Variants in FSAF1 observed in about 807,000 individuals in gnomAD.
FSAF1 encodes the protein uncharacterized protein C1orf131.
At chr1:231,234,679 C>T in the FSAF1 span, among the ~76,000 whole-genome samples, 1 of 152,214 alleles carries the variant, frequency 6.6e-6, no homozygotes, top group Non-Finnish European at 1.5e-5. This position sits in a 1 kb window ranked among gnomAD's most constrained non-coding sequence, Gnocchi z 4.0. Context: ...TTCTCATGTA[C>T]TTAAGACTAA....
the FSAF1 span, among the ~76,000 whole-genome samples, chr1:231,233,406 CA>C: frequency 6.6e-6 from 1 of 152,172 alleles, no homozygotes; most frequent in Non-Finnish European, 1.5e-5. Flanking sequence ...CTTTAAAATT[CA>C]GAAGTCTTTA....
chr1:231,224,199 T>C, the FSAF1 span: 6 of 1,419,510 alleles, frequency 4.2e-6, no homozygotes, highest in East Asian at 9.6e-5. Context: ...TTAAGAACGA[T>C]CTATCTAGAG....
chr1:231,229,222 A>C, the FSAF1 span: 1 of 1,541,850 alleles, frequency 6.5e-7, no homozygotes, highest in Non-Finnish European at 8.9e-7. Context: ...GAGAGAAAAA[A>C]TTCTTATTTA....
the FSAF1 span, chr1:231,226,916 T>C: frequency 6.2e-7 from 1 of 1,607,650 alleles, no homozygotes; most frequent in East Asian, 2.2e-5. Flanking sequence ...TTAGCTTTCC[T>C]TGCTCTTGCT....
chr1:231,234,018 A>C, the FSAF1 span, among the ~76,000 whole-genome samples: 1 of 152,126 alleles, frequency 6.6e-6, no homozygotes, highest in Non-Finnish European at 1.5e-5. The surrounding 1 kb of genome is among the most constrained non-coding windows in gnomAD (Gnocchi z 4.0). Flanking sequence ...AAGTAACTTA[A>C]CCTCTTGTAA....
At chr1:231,240,488 C>G in the FSAF1 span, among the ~76,000 whole-genome samples, 2 of 151,882 alleles carry the variant, frequency 1.3e-5, no homozygotes, top group African/African-American at 4.8e-5. This position sits in a 1 kb window ranked among gnomAD's most constrained non-coding sequence, Gnocchi z 4.1. Flanking sequence ...TTTTCCTTTT[C>G]CCCCATCAAG....
the FSAF1 span, among the ~76,000 whole-genome samples, chr1:231,235,874 C>T: frequency 1.3e-5 from 2 of 152,168 alleles, no homozygotes; most frequent in Admixed American, 1.3e-4. Flanking sequence ...CTTCAATGCA[C>T]GATGCAGCTT....
chr1:231,225,421 A>G, the FSAF1 span: 1 of 1,554,894 alleles, frequency 6.4e-7, no homozygotes, highest in South Asian at 1.1e-5. Context: ...AGAACTCATC[A>G]GTAGGTTCAT....
chr1:231,241,040 C>G, the FSAF1 span: 1 of 1,614,106 alleles, frequency 6.2e-7, no homozygotes, highest in South Asian at 1.1e-5. Context: ...CGTAAAGGTT[C>G]TGGAGCAGAG....
the FSAF1 span, among the ~76,000 whole-genome samples, chr1:231,240,272 A>C: frequency 6.6e-6 from 1 of 152,244 alleles, no homozygotes; most frequent in East Asian, 1.9e-4. The surrounding 1 kb of genome is among the most constrained non-coding windows in gnomAD (Gnocchi z 4.1). Flanking sequence ...TGTTTAGGTG[A>C]ACTTAGAATT....
the FSAF1 span, among the ~76,000 whole-genome samples, chr1:231,227,810 C>G: frequency 6.6e-6 from 1 of 150,920 alleles, no homozygotes; most frequent in East Asian, 2.0e-4. Context: ...AGGATGGTCT[C>G]AATCTCCTGA....
the FSAF1 span, among the ~76,000 whole-genome samples, chr1:231,234,399 C>T: frequency 2.0e-5 from 3 of 152,158 alleles, no homozygotes; most frequent in South Asian, 4.1e-4. The surrounding 1 kb of genome is among the most constrained non-coding windows in gnomAD (Gnocchi z 4.0). Flanking sequence ...CTACATCTGA[C>T]GCTTTCATTG....
At chr1:231,239,458 A>G in the FSAF1 span, among the ~76,000 whole-genome samples, 3 of 152,248 alleles carry the variant, frequency 2.0e-5, no homozygotes, top group Non-Finnish European at 4.4e-5. Flanking sequence ...TCAAAGTGTC[A>G]TCACAGCAAT....
At chr1:231,225,401 C>A in the FSAF1 span, 3 of 1,431,768 alleles carry the variant, frequency 2.1e-6, no homozygotes, top group East Asian at 2.3e-5. Flanking sequence ...ACATTCAAGG[C>A]GTCCTTGTCA....
the FSAF1 span, chr1:231,224,939 G>A: frequency 2.2e-4 from 37 of 165,280 alleles, no homozygotes; most frequent in South Asian, 1.7e-3. Context: ...GATACAGATC[G>A]GTGGCCAGAA....
Sources: allele counts gnomAD v4.1 joint callset (sites outside exome capture counted in the v4.1 genomes callset), GRCh38; gene constraint gnomAD v4.1.1; non-coding constraint Gnocchi (gnomAD v3.1); transcripts MANE v1.5; gene names NCBI Gene and HGNC (gene_info 2026-07-23, HGNC 2026-07-21).